Variants in ITPR2 observed in about 807,000 individuals in gnomAD.
ITPR2 encodes inositol 1,4,5-trisphosphate-gated calcium channel ITPR2.
Under a neutral mutation model 317.1 loss-of-function variants are expected in ITPR2, and 207 were observed. The observed-to-expected ratio is 0.65, with a 90% CI of 0.58 to 0.73. The LOEUF is 0.73. ITPR2 is among the 30% of genes least tolerant of loss of function. The pLI is 0.00. For missense variants in ITPR2, 2,613 were observed against 3,284.0 expected, an observed-to-expected ratio of 0.80 and a Z score of 4.99; for synonymous variants, 1,156 against 1,149.1, an observed-to-expected ratio of 1.01 and a Z score of -0.12.
In ITPR2 at chr12:26,486,341, A is replaced by C; in HGVS notation, c.5574T>G (p.His1858Gln). The part of the protein sequence containing the change: ...PRMRVRDSTL[H>Q]LKEGMKGQLT... ...ATTGCCCTTTCATTCCCTCTTTTAA[A>C]TGTAGTGTTGAATCTCTTACTGAAA... Residue 1858 changes from histidine (H) to glutamine (Q), a missense_variant, in exon 41 of 57, where the codon CAT (histidine) becomes CAG (glutamine). This residue lies in a region of ITPR2 where 926 missense variants were observed against 1,072.8 expected (regional missense o/e 0.86). Coordinates refer to ENST00000381340, the MANE Select transcript of ITPR2 (RefSeq NM_002223.4). The C allele has an allele frequency of 6.2e-7, 1 of 1,612,588 alleles. No individual in the cohort carries two copies. The highest frequency in any genetic ancestry group is 8.5e-7 in the Non-Finnish European group (1 of 1,178,900).
At chr12:26,541,189 C>T (rs1358781667) in intron 37 of ITPR2, among the ~76,000 whole-genome samples, 2 of 150,308 alleles carry the variant, frequency 1.3e-5, no homozygotes, top group Admixed American at 1.3e-4. Flanking sequence ...TGGTGGCAGC[C>T]GCCTGTAATC....
intron 21 of ITPR2, among the ~76,000 whole-genome samples, chr12:26,646,583 T>C (rs1183698007): frequency 3.3e-5 from 5 of 152,108 alleles, no homozygotes. Flanking sequence ...AAAGCACATC[T>C]CACTACCCTG....
Position 26,750,012 on chromosome 12 carries a change from A to T in ITPR2, c.164-24247T>A, listed in dbSNP as rs28549953. Among the ~76,000 whole-genome samples, 1,253 of 152,358 alleles carry T rather than the reference A, an allele frequency of 8.2e-3. 14 individuals are homozygous for T. The highest frequency in any genetic ancestry group is 0.028 in the African/African-American group (1,178 of 41,574). On this transcript the variant is annotated intron_variant, in intron 2 of 56. Transcript: ENST00000381340. Reference sequence around the variant, plus strand: ...AAACATTAGGGGAACAAGAAACTATACTGCTCTTTCTAGAGCACCTGGTGC... The same window carrying T: ...AAACATTAGGGGAACAAGAAACTATTCTGCTCTTTCTAGAGCACCTGGTGC...
chr12:26,387,760 G>A (rs1412774113), intron 54 of ITPR2, among the ~76,000 whole-genome samples, 166 bp from the exon 55 acceptor site: 1 of 152,172 alleles, frequency 6.6e-6, no homozygotes, highest in Non-Finnish European at 1.5e-5. Context: ...AAGACCTCCA[G>A]AAAAGAGGCC....
intron 48 of ITPR2, 111 bp from the exon 49 acceptor site, chr12:26,428,199 A>C: frequency 4.4e-6 from 3 of 680,932 alleles, no homozygotes; most frequent in Non-Finnish European, 4.4e-6. Flanking sequence ...TAATCCAGTA[A>C]ATTTCAAAAT....
chr12:26,627,575 T>A (rs1946650112), intron 23 of ITPR2, among the ~76,000 whole-genome samples: 1 of 152,238 alleles, frequency 6.6e-6, no homozygotes, highest in African/African-American at 2.4e-5. Flanking sequence ...TTTCACAATC[T>A]GTCTCAGTTC....
chr12:26,448,304 A>G (rs772661384), intron 45 of ITPR2, among the ~76,000 whole-genome samples: 10 of 151,796 alleles, frequency 6.6e-5, no homozygotes, highest in Non-Finnish European at 1.5e-4. Context: ...CCAACAATCA[A>G]TATTAATGAT....
intron 39 of ITPR2, among the ~76,000 whole-genome samples, chr12:26,492,560 G>GA (rs1279234311): frequency 6.6e-6 from 1 of 151,946 alleles, no homozygotes; most frequent in Non-Finnish European, 1.5e-5. Context: ...CCAATTGACA[G>GA]AACTTCCTGG....
chr12:26,782,934 T>C (rs1950122236), intron 2 of ITPR2, among the ~76,000 whole-genome samples: 1 of 152,206 alleles, frequency 6.6e-6, no homozygotes, highest in Admixed American at 6.5e-5. Context: ...GAATCACTGT[T>C]AGACAAGCTT....
rs115369360 is a variant in ITPR2, at chr12:26,638,708, T to C, written c.2741-6649A>G. ...TCATTGACTTGGGTGAAGTCAGAGATAGCATGTTTCTCAAATGCAAAGATA... is the reference window on the plus strand; with the variant it reads ...TCATTGACTTGGGTGAAGTCAGAGACAGCATGTTTCTCAAATGCAAAGATA... On this transcript the variant is annotated intron_variant, in intron 21 of 56. Coordinates refer to ENST00000381340, the MANE Select transcript of ITPR2 (RefSeq NM_002223.4). Among the ~76,000 whole-genome samples the C allele has an allele frequency of 2.2e-3, 331 of 152,272 alleles. 1 individual carries two copies. The highest frequency in any genetic ancestry group is 7.7e-3 in the African/African-American group (319 of 41,562).
intron 32 of ITPR2, among the ~76,000 whole-genome samples, chr12:26,581,824 G>A (rs1945411630): frequency 1.3e-5 from 2 of 152,218 alleles, no homozygotes; most frequent in East Asian, 3.9e-4. Context: ...ATATAATAAA[G>A]TTGAAGAGGT....
In ITPR2 at chr12:26,360,684, G is replaced by C. The variant is rs1938797346; in HGVS notation, c.7858-20356C>G. 2.0e-5 allele frequency among the ~76,000 whole-genome samples: 3 copies of C among 152,188 alleles called. No individual in the cohort carries two copies. In the South Asian group the frequency reaches 6.2e-4, roughly 32 times the overall value. On this transcript the variant is annotated intron_variant, in intron 55 of 56. Transcript: ENST00000381340. ...TGGTCTTGCCAACGTTAGTAGCCAA[G>C]ATTTCCAAGGTCTTGTTGAACTCAA... is the stretch of plus-strand genomic sequence containing the variant.
intron 37 of ITPR2, among the ~76,000 whole-genome samples, chr12:26,499,284 A>G (rs948076616): frequency 1.3e-5 from 2 of 151,946 alleles, no homozygotes; most frequent in Non-Finnish European, 2.9e-5. Context: ...AACGAGTAAC[A>G]CTCTTCTTAT....
intron 32 of ITPR2, among the ~76,000 whole-genome samples, chr12:26,581,318 G>A (rs1342737871): frequency 8.5e-5 from 13 of 152,112 alleles, no homozygotes; most frequent in Admixed American, 7.9e-4. Flanking sequence ...GGGAGAAAGA[G>A]AACAGGGTTT....
chr12:26,508,359 T>C (rs747148317), intron 37 of ITPR2, among the ~76,000 whole-genome samples: 1 of 152,170 alleles, frequency 6.6e-6, no homozygotes, highest in Non-Finnish European at 1.5e-5. Flanking sequence ...ACCTGTTTTC[T>C]AGTTAAAGTC....
Position 26,621,152 on chromosome 12 carries a change from G to T in ITPR2, c.3433C>A (p.Gln1145Lys), listed in dbSNP as rs759283195. ...NYENGEIGES[Q>K]VKGGEEPIEE... Reference sequence around the variant, plus strand: ...ATTGGCTCTTCACCACCTTTCACTTGACTTTCCCCTATTTCTCCATTCTCA... The same window carrying T: ...ATTGGCTCTTCACCACCTTTCACTTTACTTTCCCCTATTTCTCCATTCTCA... Residue 1145 changes from glutamine (Q) to lysine (K), a missense_variant, in exon 26 of 57, where the codon CAA (glutamine) becomes AAA (lysine). Physicochemically the swap from Gln to Lys is moderately conservative, Grantham distance 53 (BLOSUM62 1). Around this residue, in one of 9 missense-constraint regions of ITPR2, gnomAD observed 817 missense variants for 897.6 expected, o/e 0.91. Coordinates refer to ENST00000381340, the MANE Select transcript of ITPR2 (RefSeq NM_002223.4). The T allele has an allele frequency of 2.7e-5, 43 of 1,613,398 alleles. No homozygotes were observed. The highest frequency in any genetic ancestry group is 9.3e-6 in the Non-Finnish European group (11 of 1,179,744).
intron 51 of ITPR2, among the ~76,000 whole-genome samples, chr12:26,414,880 C>T (rs953016001): frequency 9.9e-5 from 15 of 151,866 alleles, no homozygotes; most frequent in Non-Finnish European, 2.2e-4. Context: ...TTATCATTTT[C>T]AGTTATTTAA....
intron 1 of ITPR2, among the ~76,000 whole-genome samples, chr12:26,832,037 G>A (rs962188053): frequency 2.0e-5 from 3 of 151,938 alleles, no homozygotes; most frequent in Non-Finnish European, 2.9e-5. Context: ...GAGATAGCAG[G>A]TCTGAGTTCT....
intron 47 of ITPR2, 54 bp downstream of exon 47, chr12:26,439,073 C>A: frequency 8.8e-7 from 1 of 1,137,030 alleles, no homozygotes; most frequent in Middle Eastern, 2.0e-4. Flanking sequence ...TCCCAAAGTA[C>A]CAAATTATCT....
Sources: gnomAD v4.1 joint callset for allele counts (sites outside exome capture counted in the v4.1 genomes callset) on GRCh38, gnomAD v4.1.1 for gene constraint, gnomAD v4.1.1 regional missense constraint, MANE v1.5 for transcripts, NCBI Gene and HGNC (gene_info 2026-07-23, HGNC 2026-07-21) for gene names.